The following PRRC2C variants were observed in gnomAD, a reference collection of about 807,000 sequenced individuals.
The protein encoded by PRRC2C is protein PRRC2C.
PRRC2C carries 72 observed loss-of-function variants against 317.2 expected under a neutral mutation model. The observed-to-expected ratio is 0.23, with a 90% CI of 0.19 to 0.28. PRRC2C has a LOEUF of 0.28. Ranked by LOEUF, PRRC2C falls within the 10% of genes least tolerant of loss-of-function variation. The pLI is 1.00. For missense variants in PRRC2C, 3,074 were observed against 3,459.7 expected (o/e 0.89, Z 2.80); for synonymous variants, 1,296 against 1,205.9 (o/e 1.07, Z -1.55).
At chr1:171,513,851 A>G (rs1671825718) in intron 3 of PRRC2C, among the ~76,000 whole-genome samples, 2 of 152,230 alleles carry the variant, frequency 1.3e-5, no homozygotes, top group Admixed American at 6.5e-5. Flanking sequence ...TTCTGTAGTA[A>G]TGTATCAAAT....
intron 1 of PRRC2C, among the ~76,000 whole-genome samples, chr1:171,497,345 C>T (rs1274558370): frequency 6.6e-6 from 1 of 152,200 alleles, no homozygotes; most frequent in Non-Finnish European, 1.5e-5. Context: ...TTGACTCTAC[C>T]ACTTTCCAGC....
At chr1:171,538,264 C>G (rs998665508) in intron 15 of PRRC2C, among the ~76,000 whole-genome samples, 1 of 152,142 alleles carries the variant, frequency 6.6e-6, no homozygotes, top group Non-Finnish European at 1.5e-5. Flanking sequence ...CGTGAGCCAT[C>G]GTGTGCAGCC....
At position 171,591,619 on chromosome 1, in the gene PRRC2C, G is replaced by A. The variant is rs374767375; in HGVS notation, c.8469G>A (p.Thr2823=). The A allele has an allele frequency of 7.9e-5, 127 of 1,613,702 alleles. No individual in the cohort carries two copies. The highest frequency in any genetic ancestry group is 6.0e-4 in the South Asian group (55 of 91,072). The part of the protein sequence containing the change: ...AKQRAEVLQS[T]QRFFSEQQQS... The stretch of plus-strand genomic sequence containing the variant: ...AGAGAGCAGAGGTTCTTCAGTCCAC[G>A]CAACGGTTCTTCTCTGAACAGCAAC... Residue 2823 remains threonine, a synonymous_variant, in exon 35 of 35, where the codon ACG becomes ACA. Coordinates refer to ENST00000647382, the MANE Select transcript of PRRC2C (RefSeq NM_001387844.1).
At chr1:171,486,246 G>C (rs908802748) in intron 1 of PRRC2C, among the ~76,000 whole-genome samples, 3 of 151,656 alleles carry the variant, frequency 2.0e-5, no homozygotes, top group Admixed American at 6.6e-5. Flanking sequence ...GGAGGGTCTG[G>C]TTTAAAGACC....
In PRRC2C at chr1:171,536,163, T is replaced by C. The variant is rs1676793374; in HGVS notation, c.2178T>C (p.His726=). Residue 726 remains histidine, a synonymous_variant, in exon 14 of 35, where the codon CAT becomes CAC. Transcript: ENST00000647382. ...CTCTTTATCAGCCTATGCAGCCTCA[T>C]CCTCAGCATTTGGCTTCTATGGGTT... ...HRPLYQPMQP[H]PQHLASMGFD... 4.3e-6 allele frequency: 7 copies of C among 1,610,512 alleles called. No homozygotes were observed. The South Asian group carries it at 6.7e-5, about 15-fold the overall frequency.
intron 17 of PRRC2C, among the ~76,000 whole-genome samples, chr1:171,546,348 A>G (rs1451706217): frequency 6.6e-6 from 1 of 152,242 alleles, no homozygotes; most frequent in Non-Finnish European, 1.5e-5. Flanking sequence ...AGATTTACTA[A>G]GTTAAGACCA....
chr1:171,583,014 T>C (rs1243190425), intron 28 of PRRC2C, among the ~76,000 whole-genome samples: 2 of 152,226 alleles, frequency 1.3e-5, no homozygotes, highest in Admixed American at 6.5e-5. Context: ...ACAAGGTCTG[T>C]GTCACCCAGG....
intron 1 of PRRC2C, among the ~76,000 whole-genome samples, chr1:171,495,517 T>C (rs1667944420): frequency 6.6e-6 from 1 of 152,240 alleles, no homozygotes. Context: ...ACCACATTCT[T>C]TTAAATATAA....
At chr1:171,512,841 G>A (rs1358549064) in intron 2 of PRRC2C, 154 bp from the exon 3 acceptor site, 20 of 649,274 alleles carry the variant, frequency 3.1e-5, no homozygotes, top group African/African-American at 5.6e-5. Flanking sequence ...TGTGTTGCAG[G>A]TGTGTAGCTT....
In PRRC2C at chr1:171,541,718, G is replaced by A; in HGVS notation, c.4252G>A (p.Ala1418Thr). 6.2e-7 allele frequency: 1 copy of A among 1,613,926 alleles called. No individual in the cohort carries two copies. Among genetic ancestry groups the A allele is most frequent in the Non-Finnish European group, 8.5e-7 (1 of 1,179,866 alleles). The change falls in exon 16 of 35, where the codon GCT becomes ACT. Residue 1418 changes from alanine to threonine, a missense_variant. Transcript: ENST00000647382. This position sits in a 1 kb window ranked among gnomAD's most constrained non-coding sequence, Gnocchi z 4.1. ...AAAATTTGAGCGAAAATTTGACCCA[G>A]CTAGAGAAAGGCCTCGAAGGCAGCG... ...PPKFERKFDPARERPRRQRPT... is the reference protein window; with the variant it reads ...PPKFERKFDPTRERPRRQRPT...
rs1650251647 is a variant in PRRC2C at position 171,587,237 on chromosome 1, T to C, written c.7968+16T>C. The C allele has an allele frequency of 1.9e-6, 3 of 1,564,664 alleles. No individual in the cohort carries two copies. Among genetic ancestry groups the C allele is most frequent in the Non-Finnish European group, 2.6e-6 (3 of 1,150,546 alleles). ...CACAGGAAAAGTAAGTAAAGAGACA[T>C]TTGCACAGGTTATTTGAGAATTTAA... On this transcript the variant is annotated intron_variant, in intron 31 of 34. Transcript: ENST00000647382.
chr1:171,572,375 G>T (rs1684922903), intron 24 of PRRC2C, among the ~76,000 whole-genome samples: 1 of 152,104 alleles, frequency 6.6e-6, no homozygotes, highest in Admixed American at 6.6e-5. Flanking sequence ...ATATAGTAGG[G>T]CTTCCTGATG....
At chr1:171,514,926 G>A (rs909032530) in intron 4 of PRRC2C, among the ~76,000 whole-genome samples, 2 of 152,208 alleles carry the variant, frequency 1.3e-5, no homozygotes, top group African/African-American at 4.8e-5. Flanking sequence ...AGCAAAGCTT[G>A]TACCTTCAAA....
At position 171,517,776 on chromosome 1, in the gene PRRC2C, GCTCT is replaced by G; in HGVS notation, c.714_717del (p.Ala240ProfsTer6). 1 of 1,613,598 alleles carries G rather than the reference GCTCT, an allele frequency of 6.2e-7. No homozygotes were observed. Among genetic ancestry groups the G allele is most frequent in the Non-Finnish European group, 8.5e-7 (1 of 1,179,872 alleles). ...GGCTAAACTGAATGGACAGCAGGCTGCTCTCGCTTCCCAGTATAGAGCTATGATG... is the reference window on the plus strand; with the variant it reads ...GGCTAAACTGAATGGACAGCAGGCTGCGCTTCCCAGTATAGAGCTATGATG... On this transcript the variant is annotated frameshift_variant, in exon 6 of 35. Coordinates refer to ENST00000647382, the MANE Select transcript of PRRC2C (RefSeq NM_001387844.1). LOFTEE classifies it high-confidence loss of function.
At position 171,587,281 on chromosome 1, in the gene PRRC2C, A is replaced by G. The variant is rs900853027; in HGVS notation, c.7968+60A>G. On this transcript the variant is annotated intron_variant, in intron 31 of 34. Transcript: ENST00000647382. Reference sequence around the variant, plus strand: ...AATTTAAGGTAGTGTGTTCAGATATATGCATCTGTGTTATCTAAAAAACTA... The same window carrying G: ...AATTTAAGGTAGTGTGTTCAGATATGTGCATCTGTGTTATCTAAAAAACTA... The G allele has an allele frequency of 1.9e-5, 28 of 1,437,148 alleles. No individual in the cohort carries two copies. In the African/African-American group the frequency reaches 3.3e-4, roughly 17 times the overall value. 89.0% of individuals were successfully genotyped at this position (1,437,148 alleles called of 1,614,324 possible).
chr1:171,488,856 G>A (rs1320374427), intron 1 of PRRC2C, among the ~76,000 whole-genome samples: 1 of 152,176 alleles, frequency 6.6e-6, no homozygotes, highest in Non-Finnish European at 1.5e-5. Flanking sequence ...ATTATAGTCA[G>A]TGTGATATAC....
rs1187618857 is a variant in PRRC2C at position 171,583,995 on chromosome 1, A to G, written c.7449A>G (p.Pro2483=). 10 of 1,614,008 alleles carry G rather than the reference A, an allele frequency of 6.2e-6. No individual in the cohort carries two copies. The highest frequency in any genetic ancestry group is 2.7e-5 in the African/African-American group (2 of 75,060). ...TTATGCAAAGCAGTTTATCCCAGCC[A>G]TCTGTGGTCCTTTCTGGTACTGCTA... ...PAFMQSSLSQ[P]SVVLSGTAIH... Residue 2483 remains proline (P), a synonymous_variant, in exon 29 of 35, where the codon CCA becomes CCG. Transcript: ENST00000647382.
Position 171,517,805 on chromosome 1 carries a change from G to A in PRRC2C, c.741G>A (p.Met247Ile), listed in dbSNP as rs751947898. The change falls in exon 6 of 35, where the codon ATG becomes ATA. Residue 247 changes from methionine (M) to isoleucine (I), a missense_variant. By Grantham distance (10) the Met-to-Ile change is conservative (BLOSUM62 1). Around this residue, in one of 11 missense-constraint regions of PRRC2C, gnomAD observed 237 missense variants for 199.5 expected, o/e 1.19. Coordinates refer to ENST00000647382, the MANE Select transcript of PRRC2C (RefSeq NM_001387844.1). Reference sequence around the variant, plus strand: ...TCGCTTCCCAGTATAGAGCTATGATGCCTCCTTATGTGAGTATTGTTAAAT... The same window carrying A: ...TCGCTTCCCAGTATAGAGCTATGATACCTCCTTATGTGAGTATTGTTAAAT... ...AALASQYRAM[M>I]PPYMFQQYPR... is the part of the protein sequence containing the mutation. 5.6e-6 allele frequency: 9 copies of A among 1,611,596 alleles called. No homozygotes were observed. Among genetic ancestry groups the A allele is most frequent in the Non-Finnish European group, 7.6e-6 (9 of 1,179,006 alleles).
In PRRC2C at chr1:171,524,937, C is replaced by T. The variant is rs750793687; in HGVS notation, c.1172C>T (p.Pro391Leu). The T allele has an allele frequency of 1.2e-6, 2 of 1,609,954 alleles. No homozygotes were observed. Among genetic ancestry groups the T allele is most frequent in the South Asian group, 1.1e-5 (1 of 90,280 alleles). Residue 391 changes from proline to leucine, a missense_variant, in exon 10 of 35, where the codon CCC (proline) becomes CTC (leucine). Physicochemically the swap from Pro to Leu is moderately conservative, Grantham distance 98. Transcript: ENST00000647382. The part of the protein sequence containing the change: ...IPAQPSVAKV[P>L]YGKGPSFNQE... ...GCCCAACCATCAGTAGCAAAAGTTC[C>T]CTATGGGAAAGGACCTTCATTTAAT... is the stretch of plus-strand genomic sequence containing the variant.
Sources: allele counts gnomAD v4.1 joint callset (sites outside exome capture counted in the v4.1 genomes callset), GRCh38; gene constraint gnomAD v4.1.1; regional missense constraint gnomAD v4.1.1; non-coding constraint Gnocchi (gnomAD v3.1); transcripts MANE v1.5; gene names NCBI Gene and HGNC (gene_info 2026-07-23, HGNC 2026-07-21).